RAD51B: variants seen among roughly 807,000 people sequenced by gnomAD.
RAD51B encodes RAD51 paralog B.
Under a neutral mutation model 42.2 loss-of-function variants are expected in RAD51B, and 38 were observed. The ratio of observed to expected loss-of-function variants is 0.90; its 90% CI spans 0.70 to 1.18. The LOEUF (loss-of-function observed/expected upper bound fraction) is 1.18, where lower values mean the gene tolerates loss of function less well. Ranked by LOEUF, RAD51B falls within the 50% of genes most tolerant of loss-of-function variation. The pLI, the probability that RAD51B is intolerant of heterozygous loss-of-function variation, is 0.00. For synonymous variants in RAD51B, 154 were observed against 145.2 expected (o/e 1.06, Z -0.43); for missense variants, 373 against 400.7 (o/e 0.93, Z 0.59).
chr14:67,847,455 C>A (rs2041658921), intron 4 of RAD51B, among the ~76,000 whole-genome samples: 1 of 151,354 alleles, frequency 6.6e-6, no homozygotes, highest in Non-Finnish European at 1.5e-5. Context: ...CTTTAGCTGC[C>A]TCCCAGAGAT....
chr14:67,976,571 G>A (rs1175101251), intron 7 of RAD51B, among the ~76,000 whole-genome samples: 1 of 151,842 alleles, frequency 6.6e-6, no homozygotes, highest in African/African-American at 2.4e-5. Flanking sequence ...TTAACTCGTC[G>A]GATTAAAGAC....
chr14:68,377,954 TA>T (rs1423469532), intron 8 of RAD51B, among the ~76,000 whole-genome samples: 1 of 152,230 alleles, frequency 6.6e-6, no homozygotes, highest in Non-Finnish European at 1.5e-5. Context: ...ACTTTGCAAT[TA>T]AAAGTCATTT....
intron 3 of RAD51B, among the ~76,000 whole-genome samples, chr14:67,829,442 C>T (rs1172609556): frequency 2.6e-5 from 4 of 152,082 alleles, no homozygotes; most frequent in Admixed American, 6.6e-5. Flanking sequence ...CGGGGTTTCA[C>T]CATGTTAGCC....
At chr14:68,554,933 C>G (rs1888758281) in intron 10 of RAD51B, among the ~76,000 whole-genome samples, 1 of 151,916 alleles carries the variant, frequency 6.6e-6, no homozygotes, top group Non-Finnish European at 1.5e-5. Flanking sequence ...ACTGCAACCT[C>G]CACCTCCAGG....
rs1893342239 is a variant in RAD51B, at chr14:68,677,784, C to T, written c.*11+26928C>T. Among the ~76,000 whole-genome samples, 3 of 152,192 alleles carry T rather than the reference C, an allele frequency of 2.0e-5. No homozygotes were observed. The South Asian group carries it at 6.2e-4, about 32-fold the overall frequency. ...GGCCATGATGGTGTCAGTCCCCATGCTACAGCCAGGTCCTCTTGGGTAGGT... is the reference window on the plus strand; with the variant it reads ...GGCCATGATGGTGTCAGTCCCCATGTTACAGCCAGGTCCTCTTGGGTAGGT... On this transcript the variant is annotated intron_variant, in intron 11 of 11. Coordinates refer to the RAD51B transcript ENST00000488612.
At chr14:67,862,011 G>T (rs1321643660) in intron 4 of RAD51B, among the ~76,000 whole-genome samples, 1 of 151,860 alleles carries the variant, frequency 6.6e-6, no homozygotes, top group Non-Finnish European at 1.5e-5. Context: ...GAGAGATGTT[G>T]GTAAAAGGGT....
At chr14:67,931,870 T>A (rs1001744960) in intron 7 of RAD51B, among the ~76,000 whole-genome samples, 2 of 152,218 alleles carry the variant, frequency 1.3e-5, no homozygotes, top group Non-Finnish European at 2.9e-5. Flanking sequence ...TTTGGAGGTG[T>A]CATAGTTCTT....
At chr14:68,422,163 C>A (rs964443421) in intron 9 of RAD51B, 1 of 1,296,820 alleles carries the variant, frequency 7.7e-7, no homozygotes, top group African/African-American at 1.5e-5. Context: ...TCGCTGTCGA[C>A]GGCAAATTCA....
intron 10 of RAD51B, among the ~76,000 whole-genome samples, chr14:68,629,943 C>A (rs1184098110): frequency 1.3e-5 from 2 of 152,234 alleles, no homozygotes; most frequent in East Asian, 3.8e-4. Flanking sequence ...AGAGGCGAGC[C>A]TGGAGGCCAA....
At chr14:67,992,250 G>A (rs2075307974) in intron 7 of RAD51B, among the ~76,000 whole-genome samples, 1 of 152,180 alleles carries the variant, frequency 6.6e-6, no homozygotes, top group Admixed American at 6.5e-5. Context: ...GCTGTCTCCT[G>A]ATATTTGATG....
At chr14:68,383,644 GAAA>G (rs58042755) in intron 8 of RAD51B, among the ~76,000 whole-genome samples, 1 of 141,864 alleles carries the variant, frequency 7.0e-6, no homozygotes. Flanking sequence ...AGCAGTGAAT[GAAA>G]AAAAAAAAAC....
At chr14:68,037,803 G>A (rs376369011) in intron 7 of RAD51B, among the ~76,000 whole-genome samples, 18 of 152,180 alleles carry the variant, frequency 1.2e-4, no homozygotes, top group South Asian at 6.2e-4. Flanking sequence ...AAATTTTTCC[G>A]TATGTTCTGT....
At position 68,120,728 on chromosome 14, in the gene RAD51B, C is replaced by T. The variant is rs76529357; in HGVS notation, c.757-171156C>T. The stretch of plus-strand genomic sequence containing the variant: ...TAAGGGTCCTCATTTAATCTCTTGT[C>T]CTGCTTGGGCCCGGGCTCTGTCTGC... On this transcript the variant is annotated intron_variant, in intron 7 of 10. Coordinates refer to ENST00000471583, the MANE Select transcript of RAD51B (RefSeq NM_133510.4). 8.2e-3 allele frequency among the ~76,000 whole-genome samples: 1,249 copies of T among 152,068 alleles called. 17 individuals are homozygous for T. Among genetic ancestry groups the T allele is most frequent in the African/African-American group, 0.029 (1,188 of 41,474 alleles).
chr14:68,388,718 G>C (rs1482721063), intron 8 of RAD51B, among the ~76,000 whole-genome samples: 2 of 152,186 alleles, frequency 1.3e-5, no homozygotes, highest in African/African-American at 4.8e-5. Context: ...TGCCCTCACA[G>C]AGCTTCCTTT....
chr14:68,564,553 C>T (rs1447992290), intron 10 of RAD51B, among the ~76,000 whole-genome samples: 4 of 152,150 alleles, frequency 2.6e-5, no homozygotes, highest in Non-Finnish European at 5.9e-5. Context: ...AGAAGCTTCA[C>T]GATCCCTTAC....
intron 10 of RAD51B, among the ~76,000 whole-genome samples, chr14:68,637,506 C>T (rs1357595285): frequency 2.0e-5 from 3 of 152,100 alleles, no homozygotes; most frequent in Admixed American, 6.5e-5. Context: ...AGAGGCAGAG[C>T]GAGATGGTGG....
At chr14:67,932,539 G>A (rs937387790) in intron 7 of RAD51B, among the ~76,000 whole-genome samples, 1 of 152,178 alleles carries the variant, frequency 6.6e-6, no homozygotes, top group African/African-American at 2.4e-5. Context: ...GGCTCCCCAG[G>A]TGGCTTGCTC....
chr14:68,201,900 C>T lies in RAD51B; in HGVS notation c.757-89984C>T, dbSNP rs147729094. 5.3e-5 allele frequency among the ~76,000 whole-genome samples: 8 copies of T among 152,222 alleles called. No individual in the cohort carries two copies. In the East Asian group the frequency reaches 7.7e-4, roughly 15 times the overall value. On this transcript the variant is annotated intron_variant, in intron 7 of 10. Transcript: ENST00000471583. ...CATAGAAAAGGCATGAAGACAACATCAGAAAGGGAGTAAAAGCACAGGTGT... is the reference window on the plus strand; with the variant it reads ...CATAGAAAAGGCATGAAGACAACATTAGAAAGGGAGTAAAAGCACAGGTGT...
rs114538189 is a variant in RAD51B at position 68,665,498 on chromosome 14, C to T, written c.*11+14642C>T. 3.6e-3 allele frequency among the ~76,000 whole-genome samples: 549 copies of T among 152,350 alleles called. 2 individuals are homozygous for T. Among genetic ancestry groups the T allele is most frequent in the African/African-American group, 0.013 (524 of 41,582 alleles). ...TATCAGAAATATACTTCCCCCAACC[C>T]ATCCCAAACTGTGTCTATAATCAGG... On this transcript the variant is annotated intron_variant, in intron 11 of 11. Coordinates refer to the RAD51B transcript ENST00000488612.
Sources: gnomAD v4.1 joint callset for allele counts (sites outside exome capture counted in the v4.1 genomes callset) on GRCh38, gnomAD v4.1.1 for gene constraint, MANE v1.5 for transcripts, NCBI Gene and HGNC (gene_info 2026-07-23, HGNC 2026-07-21) for gene names.